Variants in AGTPBP1 observed in about 807,000 individuals in gnomAD.
The protein encoded by AGTPBP1 is ATP/GTP binding carboxypeptidase 1.
Under a neutral mutation model 143.9 loss-of-function variants are expected in AGTPBP1, and 70 were observed. The ratio of observed to expected loss-of-function variants is 0.49; its 90% CI spans 0.40 to 0.59. AGTPBP1 has a LOEUF of 0.59. Among genes scored for constraint, AGTPBP1 ranks in the 20% least tolerant of loss-of-function variants. AGTPBP1 has a pLI of 0.00. For synonymous variants in AGTPBP1, 463 were observed against 500.2 expected (o/e 0.93, Z 0.99); for missense variants, 1,229 against 1,464.5 (o/e 0.84, Z 2.62).
chr9:85,612,728 T>C (rs1830388566), intron 17 of AGTPBP1, among the ~76,000 whole-genome samples: 1 of 152,128 alleles, frequency 6.6e-6, no homozygotes, highest in Non-Finnish European at 1.5e-5. Flanking sequence ...AGGTCTGCAC[T>C]AACTCCAGGT....
chr9:85,625,904 G>GT (rs368474275), intron 14 of AGTPBP1, among the ~76,000 whole-genome samples: 5,583 of 105,680 alleles, frequency 0.053, 209 homozygotes, highest in Non-Finnish European at 0.072. Flanking sequence ...ACCTAGTTTT[G>GT]TTTTTTTTTT....
At chr9:85,728,168 G>C (rs1046457460) in intron 1 of AGTPBP1, among the ~76,000 whole-genome samples, 2 of 152,036 alleles carry the variant, frequency 1.3e-5, no homozygotes, top group Non-Finnish European at 2.9e-5. Flanking sequence ...TCTTGGGCTT[G>C]TGAGTAAGAA....
rs1243351255 is a variant in AGTPBP1, at chr9:85,681,315, T to C, written c.178A>G (p.Thr60Ala). 1.2e-6 allele frequency: 2 copies of C among 1,611,742 alleles called. No homozygotes were observed. The highest frequency in any genetic ancestry group is 1.1e-5 in the South Asian group (1 of 90,204). ...TCCATTCCTGTAGAACCTTTGGCTG[T>C]CATTTCTCTCCTTGTTTTTTCTGAA... ...QSQEKTRREM[T>A]AKGSTGMEIL... The change falls in exon 4 of 26, where the codon ACA becomes GCA. Residue 60 changes from threonine to alanine, a missense_variant. This residue lies in a region of AGTPBP1 where 743 missense variants were observed against 812.2 expected (regional missense o/e 0.91). Transcript: ENST00000357081.
chr9:85,657,653 A>G lies in AGTPBP1; in HGVS notation c.701-10T>C. 6.3e-7 allele frequency: 1 copy of G among 1,579,262 alleles called. No individual in the cohort carries two copies. The highest frequency in any genetic ancestry group is 8.6e-7 in the Non-Finnish European group (1 of 1,162,034). On this transcript the variant is annotated splice_polypyrimidine_tract_variant and intron_variant, in intron 9 of 25. Transcript: ENST00000357081. Reference sequence around the variant, plus strand: ...CTCCTGGCATTTGTTTCTTTAACAAAAGAAGATTGAGAAAGAATATTTTTT... The same window carrying G: ...CTCCTGGCATTTGTTTCTTTAACAAGAGAAGATTGAGAAAGAATATTTTTT...
Position 85,632,725 on chromosome 9 carries a change from T to A in AGTPBP1, c.1952A>T (p.Tyr651Phe). 1 of 1,614,078 alleles carries A rather than the reference T, an allele frequency of 6.2e-7. No individual in the cohort carries two copies. Among genetic ancestry groups the A allele is most frequent in the Non-Finnish European group, 8.5e-7 (1 of 1,179,970 alleles). ...PEYSEVAYPDYFGHIPPPFKE... is the reference protein window; with the variant it reads ...PEYSEVAYPDFFGHIPPPFKE... ...GAATGGAGGCGGAATGTGACCAAAA[T>A]AATCGGGATAAGCCACCTCTGAATA... Residue 651 changes from tyrosine (Y) to phenylalanine (F), a missense_variant, in exon 14 of 26, where the codon TAT (tyrosine) becomes TTT (phenylalanine). By Grantham distance (22) the Tyr-to-Phe change is conservative. Transcript: ENST00000357081.
the AGTPBP1 span, among the ~76,000 whole-genome samples, chr9:85,759,559 T>G: frequency 6.6e-6 from 1 of 152,048 alleles, no homozygotes; most frequent in Non-Finnish European, 1.5e-5. Context: ...AATAAAGATG[T>G]TCTTTGAAAC....
Position 85,646,393 on chromosome 9 carries a change from A to T in AGTPBP1, c.1113T>A (p.Asp371Glu), listed in dbSNP as rs778544521. 1 of 1,613,058 alleles carries T rather than the reference A, an allele frequency of 6.2e-7. No individual in the cohort carries two copies. The highest frequency in any genetic ancestry group is 1.1e-5 in the South Asian group (1 of 91,070). The change falls in exon 12 of 26, where the codon GAT becomes GAA. Residue 371 changes from aspartate (D) to glutamate (E), a missense_variant. By Grantham distance (45) the Asp-to-Glu change is conservative. Around this residue, in one of 2 missense-constraint regions of AGTPBP1, gnomAD observed 743 missense variants for 812.2 expected, o/e 0.91. Coordinates refer to ENST00000357081, the MANE Select transcript of AGTPBP1 (RefSeq NM_001330701.2). ...CTTCTACATCAATATCATCGTTGTC[A>T]TCACTTTCATCTACTACGTCATCCA... Reference protein sequence around the residue: ...PEVDDVVDESDDNDDIDVEAE... With the variant: ...PEVDDVVDESEDNDDIDVEAE...
At chr9:85,724,885 G>GA (rs1326243493) in intron 1 of AGTPBP1, among the ~76,000 whole-genome samples, 1 of 151,812 alleles carries the variant, frequency 6.6e-6, no homozygotes, top group African/African-American at 2.4e-5. Context: ...GTTTTCTTTT[G>GA]AAAAAAAATT....
At chr9:85,722,838 T>C (rs1838220130) in intron 1 of AGTPBP1, among the ~76,000 whole-genome samples, 1 of 152,200 alleles carries the variant, frequency 6.6e-6, no homozygotes, top group Non-Finnish European at 1.5e-5. Context: ...TTGATGTTGG[T>C]GACCTACAGG....
At chr9:85,733,261 A>G (rs1301694908) in intron 1 of AGTPBP1, among the ~76,000 whole-genome samples, 1 of 152,220 alleles carries the variant, frequency 6.6e-6, no homozygotes, top group Non-Finnish European at 1.5e-5. Context: ...TTTAAAAGAT[A>G]TTTATCATAC....
At chr9:85,756,237 T>C in the AGTPBP1 span, 1 of 1,596,766 alleles carries the variant, frequency 6.3e-7, no homozygotes, top group Non-Finnish European at 8.5e-7. Context: ...AATAAGAAAT[T>C]GAGATCTAGT....
At chr9:85,610,524 T>G (rs574397872) in intron 17 of AGTPBP1, among the ~76,000 whole-genome samples, 1 of 152,172 alleles carries the variant, frequency 6.6e-6, no homozygotes, top group East Asian at 1.9e-4. Flanking sequence ...AAGGACAACT[T>G]GAAAGAGAAG....
At chr9:85,742,023 C>G (rs977771556), upstream of AGTPBP1, 18 of 1,200,308 alleles carry the variant, frequency 1.5e-5, no homozygotes, top group Non-Finnish European at 1.9e-5. Flanking sequence ...GCTCCCAGCA[C>G]GCGCAGGGAG....
At chr9:85,575,763 G>C (rs993725530) in intron 24 of AGTPBP1, among the ~76,000 whole-genome samples, 4 of 152,116 alleles carry the variant, frequency 2.6e-5, no homozygotes, top group Non-Finnish European at 5.9e-5. Flanking sequence ...GTAACACTTT[G>C]TGACGTTACT....
chr9:85,562,445 T>C (rs780300162), intron 25 of AGTPBP1, among the ~76,000 whole-genome samples: 1 of 152,198 alleles, frequency 6.6e-6, no homozygotes, highest in Non-Finnish European at 1.5e-5. Context: ...CTTACATACA[T>C]AGTAACACCA....
chr9:85,773,977 T>C, the AGTPBP1 span: 4 of 1,610,984 alleles, frequency 2.5e-6, no homozygotes, highest in Non-Finnish European at 3.4e-6. Context: ...GACCGGAGAC[T>C]GACCCTCCAG....
Position 85,570,159 on chromosome 9 carries a change from A to G in AGTPBP1, c.3503+5156T>C, listed in dbSNP as rs143674946. ...TAAAGGGGATGGGTAGAGAGTGTCT[A>G]TAGTGTGGCTATGCTGGACAAAAAC... On this transcript the variant is annotated intron_variant, in intron 25 of 25. Coordinates refer to ENST00000357081, the MANE Select transcript of AGTPBP1 (RefSeq NM_001330701.2). Among the ~76,000 whole-genome samples, 252 of 152,330 alleles carry G rather than the reference A, an allele frequency of 1.7e-3. 1 individual carries two copies. The highest frequency in any genetic ancestry group is 4.2e-3 in the African/African-American group (175 of 41,578).
intron 6 of AGTPBP1, 145 bp from the exon 7 acceptor site, chr9:85,672,826 C>T (rs767081764): frequency 1.1e-4 from 63 of 561,410 alleles, no homozygotes; most frequent in African/African-American, 3.1e-4. Flanking sequence ...CCTCTGGCTC[C>T]CAGGTTGAAG....
intron 17 of AGTPBP1, among the ~76,000 whole-genome samples, chr9:85,616,547 C>G (rs1287457061): frequency 6.6e-6 from 1 of 151,848 alleles, no homozygotes; most frequent in African/African-American, 2.4e-5. Flanking sequence ...CTACTTGTAG[C>G]ACTTCTGAAA....
Sources: gnomAD v4.1 joint callset for allele counts (sites outside exome capture counted in the v4.1 genomes callset) on GRCh38, gnomAD v4.1.1 for gene constraint, gnomAD v4.1.1 regional missense constraint, MANE v1.5 for transcripts, NCBI Gene and HGNC (gene_info 2026-07-23, HGNC 2026-07-21) for gene names.